Variants in TMEM108 observed in about 807,000 individuals in gnomAD.
The protein encoded by TMEM108 is transmembrane protein 108, also known as cancer/testis antigen 124.
Under a neutral mutation model 35.1 loss-of-function variants are expected in TMEM108, and 12 were observed. The observed-to-expected ratio is 0.34, with a 90% CI of 0.22 to 0.55. The LOEUF (loss-of-function observed/expected upper bound fraction) is 0.55. TMEM108 is among the 20% of genes least tolerant of loss of function. The pLI is 0.89. For missense variants in TMEM108, 680 were observed against 753.3 expected, an observed-to-expected ratio of 0.90 and a Z score of 1.14; for synonymous variants, 287 against 308.6, an observed-to-expected ratio of 0.93 and a Z score of 0.73.
intron 3 of TMEM108, among the ~76,000 whole-genome samples, chr3:133,331,283 G>A (rs1466265249): frequency 1.3e-5 from 2 of 152,280 alleles, no homozygotes; most frequent in South Asian, 4.1e-4. Flanking sequence ...GACGCTCACT[G>A]TCATCAGATG....
intron 3 of TMEM108, among the ~76,000 whole-genome samples, chr3:133,351,051 A>G (rs2071981345): frequency 6.6e-6 from 1 of 152,140 alleles, no homozygotes; most frequent in Admixed American, 6.5e-5. Context: ...AACAATCTTG[A>G]CAATTGGTTT....
chr3:133,237,277 T>C (rs1196864261), intron 3 of TMEM108, among the ~76,000 whole-genome samples: 1 of 152,120 alleles, frequency 6.6e-6, no homozygotes, highest in Non-Finnish European at 1.5e-5. Context: ...TCCTTGACTT[T>C]CCTCCCACCC....
intron 2 of TMEM108, among the ~76,000 whole-genome samples, chr3:133,157,938 G>A (rs1944903717): frequency 6.6e-6 from 1 of 152,172 alleles, no homozygotes; most frequent in South Asian, 2.1e-4. Flanking sequence ...CTACAACATG[G>A]CCTTTTGAGT....
At chr3:133,075,417 A>C (rs1476658850) in intron 2 of TMEM108, among the ~76,000 whole-genome samples, 1 of 152,168 alleles carries the variant, frequency 6.6e-6, no homozygotes. Flanking sequence ...AATAAGCACA[A>C]AATGAAGTCT....
At chr3:133,121,265 A>T (rs1944349261) in intron 2 of TMEM108, among the ~76,000 whole-genome samples, 1 of 152,220 alleles carries the variant, frequency 6.6e-6, no homozygotes, top group Non-Finnish European at 1.5e-5. Flanking sequence ...TGAAGCAGTT[A>T]ATGGAGGAGT....
intron 4 of TMEM108, chr3:133,389,269 G>T: frequency 3.0e-6 from 3 of 985,516 alleles, no homozygotes; most frequent in Non-Finnish European, 3.6e-6. Flanking sequence ...GGGAGTCTCA[G>T]GGATGAACAG....
intron 2 of TMEM108, among the ~76,000 whole-genome samples, chr3:133,069,934 C>T (rs186044413): frequency 6.6e-6 from 1 of 152,144 alleles, no homozygotes; most frequent in Admixed American, 6.6e-5. Flanking sequence ...TTTTTATTCA[C>T]TATTTTTACT....
At chr3:133,301,419 A>T (rs910421983) in intron 3 of TMEM108, among the ~76,000 whole-genome samples, 3 of 152,218 alleles carry the variant, frequency 2.0e-5, no homozygotes, top group Non-Finnish European at 4.4e-5. Context: ...ACCACAGTTC[A>T]GGAATGAACT....
intron 2 of TMEM108, among the ~76,000 whole-genome samples, chr3:133,173,884 A>C (rs1439668825): frequency 6.6e-6 from 1 of 152,194 alleles, no homozygotes; most frequent in Non-Finnish European, 1.5e-5. Flanking sequence ...GTGAGGCATC[A>C]CCTCATCTGG....
chr3:133,063,238 A>G (rs1241419090), intron 2 of TMEM108, among the ~76,000 whole-genome samples: 2 of 152,156 alleles, frequency 1.3e-5, no homozygotes, highest in East Asian at 1.9e-4. Flanking sequence ...TGGCTACTGA[A>G]TTCACTTAGA....
In TMEM108 at chr3:133,383,175, A is replaced by G. The variant is rs7631459; in HGVS notation, c.1450+2014A>G. Among the ~76,000 whole-genome samples the G allele has an allele frequency of 5.3e-3, 807 of 152,346 alleles. 3 individuals carry two copies. The highest frequency in any genetic ancestry group is 1.0e-2 in the Non-Finnish European group (678 of 68,022). On this transcript the variant is annotated intron_variant, in intron 4 of 5. Transcript: ENST00000321871. ...ACAGCTTTCTAATTTTCCAATCTTT[A>G]CATGTGTCTAGGATGCTCTCGTTTA... is the stretch of plus-strand genomic sequence containing the variant.
intron 5 of TMEM108, among the ~76,000 whole-genome samples, chr3:133,392,690 C>T (rs1327389476): frequency 6.6e-6 from 1 of 152,170 alleles, no homozygotes; most frequent in Non-Finnish European, 1.5e-5. Flanking sequence ...CTCCTGATTA[C>T]GTAGATGGTA....
chr3:133,064,831 A>C (rs949289766), intron 2 of TMEM108, among the ~76,000 whole-genome samples: 1 of 152,170 alleles, frequency 6.6e-6, no homozygotes, highest in African/African-American at 2.4e-5. Context: ...CTTTACAAAT[A>C]AATCTATCCT....
intron 2 of TMEM108, among the ~76,000 whole-genome samples, chr3:133,103,818 G>A (rs1359026542): frequency 6.6e-6 from 1 of 152,182 alleles, no homozygotes; most frequent in African/African-American, 2.4e-5. Flanking sequence ...TGTAGGCCAT[G>A]CCTCTTAGGC....
At chr3:133,077,936 G>GCT (rs1943761444) in intron 2 of TMEM108, among the ~76,000 whole-genome samples, 1 of 152,104 alleles carries the variant, frequency 6.6e-6, no homozygotes, top group Admixed American at 6.5e-5. Context: ...ACAGCCCGGG[G>GCT]GCATTCAGAG....
chr3:133,258,877 T>A (rs1946585537), intron 3 of TMEM108, among the ~76,000 whole-genome samples: 1 of 152,254 alleles, frequency 6.6e-6, no homozygotes, highest in African/African-American at 2.4e-5. Flanking sequence ...TCCAAGTGGC[T>A]TAAAATTCAC....
intron 3 of TMEM108, among the ~76,000 whole-genome samples, chr3:133,270,597 C>T (rs547938964): frequency 1.3e-5 from 2 of 152,258 alleles, no homozygotes; most frequent in Admixed American, 1.3e-4. Flanking sequence ...CTGGAGGCTA[C>T]TGGTCCTAAT....
intron 2 of TMEM108, among the ~76,000 whole-genome samples, chr3:133,104,467 T>C (rs913112739): frequency 1.3e-5 from 2 of 152,214 alleles, no homozygotes; most frequent in South Asian, 4.1e-4. Flanking sequence ...CTTTTTTTCT[T>C]AATCTCTAGT....
intron 2 of TMEM108, among the ~76,000 whole-genome samples, chr3:133,185,352 T>C (rs1259411895): frequency 6.6e-6 from 1 of 152,062 alleles, no homozygotes; most frequent in Admixed American, 6.6e-5. Flanking sequence ...AATGGACATG[T>C]GGATGCTTTT....
Sources: allele counts gnomAD v4.1 joint callset (sites outside exome capture counted in the v4.1 genomes callset), GRCh38; gene constraint gnomAD v4.1.1; transcripts MANE v1.5; gene names NCBI Gene and HGNC (gene_info 2026-07-23, HGNC 2026-07-21).